ARHGEF7: variants seen among roughly 807,000 people sequenced by gnomAD.
The protein encoded by ARHGEF7 is Rho guanine nucleotide exchange factor 7, also known as PAK-interacting exchange factor beta.
In ARHGEF7, 33 loss-of-function variants were observed where a neutral mutation model predicts 109.8. That is an observed-to-expected ratio of 0.30 (90% confidence interval 0.23 to 0.40). The LOEUF (loss-of-function observed/expected upper bound fraction) is 0.40, where lower values mean the gene tolerates loss of function less well. Ranked by LOEUF, ARHGEF7 falls within the 10% of genes least tolerant of loss-of-function variation. The pLI is 1.00. For missense variants in ARHGEF7, 938 were observed against 1,098.5 expected (o/e 0.85, Z 2.07); for synonymous variants, 458 against 424.6 (o/e 1.08, Z -0.97).
chr13:111,153,627 G>C (rs2076036018), intron 1 of ARHGEF7: 2 of 1,175,348 alleles, frequency 1.7e-6, no homozygotes, highest in Non-Finnish European at 1.1e-6. Context: ...GGGCCGGCGG[G>C]GGCGCGGTCT....
At chr13:111,165,711 A>C (rs888479158) in intron 2 of ARHGEF7, among the ~76,000 whole-genome samples, 7 of 152,184 alleles carry the variant, frequency 4.6e-5, no homozygotes, top group African/African-American at 7.2e-5. Context: ...GGTACAGCTG[A>C]GGGCTTCGTG....
chr13:111,203,403 A>G (rs983277854), intron 2 of ARHGEF7, among the ~76,000 whole-genome samples: 2 of 152,258 alleles, frequency 1.3e-5, no homozygotes, highest in Non-Finnish European at 2.9e-5. Context: ...TTCTTAAATA[A>G]TAAATATTAC....
At chr13:111,212,279 G>C (rs1210386051) in intron 4 of ARHGEF7, among the ~76,000 whole-genome samples, 1 of 152,088 alleles carries the variant, frequency 6.6e-6, no homozygotes, top group Non-Finnish European at 1.5e-5. Flanking sequence ...TCAGGGGAGA[G>C]TTCTTACCCA....
intron 2 of ARHGEF7, chr13:111,185,214 T>G (rs915899677): frequency 1.3e-5 from 2 of 152,378 alleles, no homozygotes; most frequent in Admixed American, 6.5e-5. Flanking sequence ...GCTGTCGTGC[T>G]GAAGTCCTGA....
intron 13 of ARHGEF7, among the ~76,000 whole-genome samples, chr13:111,280,026 T>C (rs1360551406): frequency 6.6e-6 from 1 of 152,242 alleles, no homozygotes; most frequent in Admixed American, 6.5e-5. Context: ...ACAGTGTGTG[T>C]TTGGGCTTGT....
chr13:111,292,478 G>A, intron 19 of ARHGEF7, 184 bp downstream of exon 19: 1 of 1,437,868 alleles, frequency 7.0e-7, no homozygotes, highest in Non-Finnish European at 9.1e-7. Context: ...ACTTTGTGGA[G>A]GCTTAACTGC....
intron 8 of ARHGEF7, among the ~76,000 whole-genome samples, chr13:111,252,834 A>G (rs1000048268): frequency 1.3e-5 from 2 of 152,242 alleles, no homozygotes; most frequent in African/African-American, 4.8e-5. Flanking sequence ...ATTTGGAGAC[A>G]GGTTGTCTTC....
intron 5 of ARHGEF7, among the ~76,000 whole-genome samples, chr13:111,221,222 T>C (rs1244612004): frequency 4.4e-4 from 25 of 56,902 alleles, no homozygotes; most frequent in African/African-American, 8.7e-4. Context: ...TATGTCTATA[T>C]ATATCTATAT....
chr13:111,224,414 T>G (rs894432594), intron 5 of ARHGEF7, among the ~76,000 whole-genome samples: 2 of 152,250 alleles, frequency 1.3e-5, no homozygotes, highest in Non-Finnish European at 2.9e-5. Flanking sequence ...AGACCAGTTT[T>G]CTGTGTGTGC....
chr13:111,214,506 G>C (rs1268981727), intron 4 of ARHGEF7, among the ~76,000 whole-genome samples: 2 of 152,246 alleles, frequency 1.3e-5, no homozygotes, highest in Admixed American at 6.5e-5. Flanking sequence ...TTACAGGAGA[G>C]CATGGTCGCG....
chr13:111,168,628 A>G (rs372291327), intron 2 of ARHGEF7, among the ~76,000 whole-genome samples: 3 of 152,268 alleles, frequency 2.0e-5, no homozygotes, highest in Admixed American at 1.3e-4. Flanking sequence ...TTTGAAGGCT[A>G]TGAAAGGGTT....
chr13:111,127,744 C>G (rs1314086578), intron 1 of ARHGEF7, among the ~76,000 whole-genome samples: 5 of 150,800 alleles, frequency 3.3e-5, no homozygotes, highest in Admixed American at 2.6e-4. Flanking sequence ...TAAGCATTAT[C>G]CTGGTAACAA....
rs771176818 is a variant in ARHGEF7, at chr13:111,272,498, G to T, written c.1074-1316G>T. Among the ~76,000 whole-genome samples the T allele has an allele frequency of 6.6e-6, 1 of 152,180 alleles. No individual in the cohort carries two copies. Among genetic ancestry groups the T allele is most frequent in the African/African-American group, 2.4e-5 (1 of 41,432 alleles). On this transcript the variant is annotated intron_variant, in intron 9 of 21. Coordinates refer to ENST00000646102, the MANE Select transcript of ARHGEF7 (RefSeq NM_001354046.2). This position sits in a 1 kb window ranked among gnomAD's most constrained non-coding sequence, Gnocchi z 5.2. ...TTTAGGACATCGTTTACATAATGAG[G>T]ATATAAAAGTATCTTTTCCTTTTAA...
intron 1 of ARHGEF7, chr13:111,143,741 T>G (rs2075457754): frequency 6.6e-6 from 1 of 152,218 alleles, no homozygotes; most frequent in Non-Finnish European, 1.5e-5. Context: ...TGGCGAGACC[T>G]CAACGGTGCC....
At chr13:111,224,966 A>G (rs2084986841) in intron 5 of ARHGEF7, among the ~76,000 whole-genome samples, 1 of 152,230 alleles carries the variant, frequency 6.6e-6, no homozygotes, top group Admixed American at 6.5e-5. Context: ...AAGAACATAA[A>G]TTAGAAGATA....
At chr13:111,292,603 G>A in intron 19 of ARHGEF7, 4 of 1,243,810 alleles carry the variant, frequency 3.2e-6, no homozygotes, top group Middle Eastern at 3.1e-4. Flanking sequence ...AGCTCCAAAT[G>A]GTTTTTTTAT....
At chr13:111,291,728 GTTAA>G (rs549112053) in intron 18 of ARHGEF7, among the ~76,000 whole-genome samples, 38 of 152,342 alleles carry the variant, frequency 2.5e-4, no homozygotes, top group South Asian at 1.9e-3. Context: ...GAGACTATTT[GTTAA>G]TTGAATGTGG....
chr13:111,283,327 TC>T lies in ARHGEF7; in HGVS notation c.1918del (p.Leu640SerfsTer20). The T allele has an allele frequency of 1.9e-6, 3 of 1,557,470 alleles. No homozygotes were observed. Among genetic ancestry groups the T allele is most frequent in the Non-Finnish European group, 8.7e-7 (1 of 1,155,492 alleles). ...WSLSCLRPAP[P>X]LRPSAALCYK... ...GCCTGAGCTGCCTGCGGCCCGCGCC[TC>T]CCCTCCGGCCCTCAGCTGCTCTCTG... On this transcript the variant is annotated frameshift_variant, in exon 16 of 22. Transcript: ENST00000646102. LOFTEE classifies it high-confidence loss of function.
intron 2 of ARHGEF7, among the ~76,000 whole-genome samples, chr13:111,204,468 A>C (rs995887197): frequency 6.6e-6 from 1 of 152,234 alleles, no homozygotes; most frequent in African/African-American, 2.4e-5. Flanking sequence ...ATCAGAAGCC[A>C]TATGTAGTCT....
Sources: allele counts gnomAD v4.1 joint callset (sites outside exome capture counted in the v4.1 genomes callset), GRCh38; gene constraint gnomAD v4.1.1; non-coding constraint Gnocchi (gnomAD v3.1); transcripts MANE v1.5; gene names NCBI Gene and HGNC (gene_info 2026-07-23, HGNC 2026-07-21).